RGS7: variants seen among roughly 807,000 people sequenced by gnomAD.
RGS7 encodes regulator of G-protein signaling 7.
Under a neutral mutation model 81.1 loss-of-function variants are expected in RGS7, and 27 were observed. The ratio of observed to expected loss-of-function variants is 0.33; its 90% CI spans 0.25 to 0.46. RGS7 has a LOEUF of 0.46. RGS7 is among the 20% of genes least tolerant of loss of function. The probability of loss-of-function intolerance (pLI) is 1.00; values close to 1 mark genes in which losing one functional copy is unlikely to be tolerated. For missense variants in RGS7, 396 were observed against 607.4 expected (o/e 0.65, Z 3.66); for synonymous variants, 208 against 207.7 (o/e 1.00, Z -0.01).
chr1:241,195,803 G>A (rs2073026921), intron 2 of RGS7, among the ~76,000 whole-genome samples: 1 of 151,612 alleles, frequency 6.6e-6, no homozygotes, highest in South Asian at 2.1e-4. Context: ...AAAAGAGGGA[G>A]AAAAAATTAC....
chr1:241,246,505 C>A (rs986329740), intron 2 of RGS7, among the ~76,000 whole-genome samples: 2 of 151,986 alleles, frequency 1.3e-5, no homozygotes, highest in African/African-American at 2.4e-5. Flanking sequence ...AGTACTAATA[C>A]GAAGTTTAAG....
chr1:241,105,736 G>A (rs2065052125), intron 2 of RGS7, among the ~76,000 whole-genome samples: 1 of 152,132 alleles, frequency 6.6e-6, no homozygotes. Flanking sequence ...ATGACTGTAG[G>A]CAAAACATTT....
At chr1:241,136,228 T>C (rs2067507496) in intron 2 of RGS7, among the ~76,000 whole-genome samples, 1 of 152,182 alleles carries the variant, frequency 6.6e-6, no homozygotes, top group Admixed American at 6.5e-5. Flanking sequence ...CAGTCTGCAG[T>C]GTCAGACACT....
At chr1:241,239,465 G>A (rs2076164196) in intron 2 of RGS7, among the ~76,000 whole-genome samples, 1 of 152,062 alleles carries the variant, frequency 6.6e-6, no homozygotes, top group Non-Finnish European at 1.5e-5. Flanking sequence ...TCACTCAAAT[G>A]CTTAGATACA....
chr1:241,005,323 A>G (rs1276908766), intron 3 of RGS7, among the ~76,000 whole-genome samples: 1 of 152,202 alleles, frequency 6.6e-6, no homozygotes, highest in Admixed American at 6.5e-5. Context: ...CAAAACTTGC[A>G]AAGTTCTGAC....
Position 241,175,038 on chromosome 1 carries a change from G to T in RGS7, c.79-76276C>A, listed in dbSNP as rs530071910. On this transcript the variant is annotated intron_variant, in intron 2 of 18. Transcript: ENST00000440928. ...CCGCCTCAGCCTCCTAAGTAGCTGG[G>T]ATTACAGGCGCCCACTACCATGCTT... Among the ~76,000 whole-genome samples, 45 of 151,554 alleles carry T rather than the reference G, an allele frequency of 3.0e-4. No homozygotes were observed. The Middle Eastern group carries it at 0.017, about 58-fold the overall frequency.
At chr1:241,273,476 T>A (rs2078035616) in intron 2 of RGS7, among the ~76,000 whole-genome samples, 1 of 152,086 alleles carries the variant, frequency 6.6e-6, no homozygotes, top group Non-Finnish European at 1.5e-5. Context: ...TCTCAGGGAA[T>A]TGTTTTTTGT....
chr1:241,236,078 G>C (rs191767760), intron 2 of RGS7, among the ~76,000 whole-genome samples: 114 of 152,126 alleles, frequency 7.5e-4, no homozygotes, highest in African/African-American at 2.7e-3. Flanking sequence ...ATGACAAGGA[G>C]AGAACTGAAA....
chr1:241,124,159 C>T (rs1200882335), intron 2 of RGS7, among the ~76,000 whole-genome samples: 5 of 151,284 alleles, frequency 3.3e-5, no homozygotes, highest in Admixed American at 6.6e-5. Flanking sequence ...TTTGGGAGGC[C>T]GAGGCGGGAG....
intron 6 of RGS7, among the ~76,000 whole-genome samples, chr1:240,917,977 G>T (rs1013514844): frequency 2.6e-5 from 4 of 152,082 alleles, no homozygotes; most frequent in African/African-American, 9.7e-5. Context: ...TTCAGACAAA[G>T]ACTCTAGAAA....
intron 2 of RGS7, among the ~76,000 whole-genome samples, chr1:241,162,287 C>T (rs2069783484): frequency 6.7e-6 from 1 of 149,040 alleles, no homozygotes; most frequent in South Asian, 2.1e-4. Flanking sequence ...GGCAAAATGG[C>T]GGCGTTTAAC....
chr1:240,880,477 C>G (rs1359586220), intron 6 of RGS7, among the ~76,000 whole-genome samples: 1 of 152,238 alleles, frequency 6.6e-6, no homozygotes, highest in Non-Finnish European at 1.5e-5. Flanking sequence ...TGACCAGCCA[C>G]TGCAGCAATC....
At chr1:240,974,334 T>C (rs1346050624) in intron 4 of RGS7, among the ~76,000 whole-genome samples, 1 of 152,220 alleles carries the variant, frequency 6.6e-6, no homozygotes, top group Non-Finnish European at 1.5e-5. Context: ...TTACACTGGG[T>C]TTTGTTTAGA....
At chr1:241,315,321 G>C (rs2080809545) in intron 2 of RGS7, among the ~76,000 whole-genome samples, 1 of 151,664 alleles carries the variant, frequency 6.6e-6, no homozygotes, top group South Asian at 2.1e-4. Flanking sequence ...CCTACACCTT[G>C]CATCTTCCCC....
chr1:241,036,534 A>G (rs1251248189), intron 3 of RGS7, among the ~76,000 whole-genome samples: 2 of 152,230 alleles, frequency 1.3e-5, no homozygotes, highest in African/African-American at 4.8e-5. Context: ...GATCTGTCTA[A>G]GTCCCATGCT....
intron 6 of RGS7, among the ~76,000 whole-genome samples, chr1:240,900,326 G>A (rs193208357): frequency 2.8e-4 from 42 of 152,226 alleles, no homozygotes; most frequent in South Asian, 1.0e-3. Context: ...GCTTTGTTCC[G>A]TTGCTGGCGA....
chr1:240,892,962 A>G (rs909866338), intron 6 of RGS7, among the ~76,000 whole-genome samples: 1 of 152,162 alleles, frequency 6.6e-6, no homozygotes, highest in Non-Finnish European at 1.5e-5. Context: ...ACTAGATCAC[A>G]TAATAAATTT....
intron 2 of RGS7, among the ~76,000 whole-genome samples, chr1:241,103,337 A>G (rs1226704446): frequency 6.6e-6 from 1 of 152,194 alleles, no homozygotes; most frequent in East Asian, 1.9e-4. Context: ...GCATGGGAGA[A>G]GAGAACACTA....
At chr1:241,259,613 G>A (rs1383486700) in intron 2 of RGS7, among the ~76,000 whole-genome samples, 2 of 124,290 alleles carry the variant, frequency 1.6e-5, no homozygotes, top group Admixed American at 1.0e-4. Context: ...TTGCGCCATC[G>A]CACTCCAGCC....
Sources: gnomAD v4.1 joint callset for allele counts (sites outside exome capture counted in the v4.1 genomes callset) on GRCh38, gnomAD v4.1.1 for gene constraint, MANE v1.5 for transcripts, NCBI Gene and HGNC (gene_info 2026-07-23, HGNC 2026-07-21) for gene names.